PDRG1: variants seen among roughly 807,000 people sequenced by gnomAD.
PDRG1 encodes p53 and DNA damage regulated 1, also known as p53 and DNA damage-regulated protein 1.
PDRG1 carries 14 observed loss-of-function variants against 18.4 expected under a neutral mutation model. That is an observed-to-expected ratio of 0.76 (90% CI 0.50 to 1.19). PDRG1 has a LOEUF of 1.19. Ranked by LOEUF, PDRG1 falls within the 50% of genes most tolerant of loss-of-function variation. PDRG1 has a pLI of 0.00. For synonymous variants in PDRG1, 65 were observed against 60.9 expected (o/e 1.07, Z -0.31); for missense variants, 177 against 160.1 (o/e 1.11, Z -0.57).
Position 31,948,876 on chromosome 20 carries a change from A to G in PDRG1, c.170T>C (p.Val57Ala). The G allele has an allele frequency of 6.2e-7, 1 of 1,613,680 alleles. No individual in the cohort carries two copies. The highest frequency in any genetic ancestry group is 8.5e-7 in the Non-Finnish European group (1 of 1,179,848). The part of the protein sequence containing the change: ...LQKDLSLSED[V>A]MVCFGNMFIK... ...AAACATGTTCCCGAAGCAAACCATCACATCTTCTGAAAGAGCAAATAGTAA... is the reference window on the plus strand; with the variant it reads ...AAACATGTTCCCGAAGCAAACCATCGCATCTTCTGAAAGAGCAAATAGTAA... Residue 57 changes from valine (V) to alanine (A), a missense_variant, in exon 3 of 5, where the codon GTG becomes GCG. Transcript: ENST00000202017.
intron 4 of PDRG1, among the ~76,000 whole-genome samples, chr20:31,946,243 A>G (rs2064317355): frequency 6.6e-6 from 1 of 152,152 alleles, no homozygotes; most frequent in Non-Finnish European, 1.5e-5. Flanking sequence ...GCCCCGATGT[A>G]TAACGTGAGA....
rs530218582 is a variant in PDRG1 at position 31,945,791 on chromosome 20, T to A, written c.*16A>T. 1.4e-5 allele frequency: 22 copies of A among 1,607,182 alleles called. No individual in the cohort carries two copies. In the Admixed American group the frequency reaches 2.7e-4, roughly 20 times the overall value. ...ACCCTGGGGGGTTGCTGGTCCCCCA[T>A]CTTGGTTCTTGAGTCTCATCCTTTC... On this transcript the variant is annotated 3_prime_UTR_variant, in exon 5 of 5. Transcript: ENST00000202017.
At chr20:31,947,646 T>G (rs1386110313) in intron 3 of PDRG1, among the ~76,000 whole-genome samples, 1 of 152,182 alleles carries the variant, frequency 6.6e-6, no homozygotes, top group Non-Finnish European at 1.5e-5. Context: ...TCCCAGCACT[T>G]TGGTGGGAGG....
chr20:31,946,964 G>A (rs920339064), intron 3 of PDRG1, among the ~76,000 whole-genome samples: 1 of 152,236 alleles, frequency 6.6e-6, no homozygotes, highest in Non-Finnish European at 1.5e-5. Flanking sequence ...GAAAATGGAT[G>A]CCTAAGAAAT....
At chr20:31,950,235 C>A in intron 2 of PDRG1, 77 bp downstream of exon 2, 1 of 1,122,880 alleles carries the variant, frequency 8.9e-7, no homozygotes, top group Non-Finnish European at 1.3e-6. Context: ...TGCCTGATCT[C>A]TATCAGGAAC....
chr20:31,951,735 T>G, intron 1 of PDRG1, 140 bp downstream of exon 1: 1 of 836,834 alleles, frequency 1.2e-6, no homozygotes, highest in Middle Eastern at 3.7e-4. Context: ...GGCGCTCACT[T>G]AGTAGCGGCC....
intron 2 of PDRG1, 119 bp downstream of exon 2, chr20:31,950,193 C>T: frequency 1.2e-6 from 1 of 821,196 alleles, no homozygotes; most frequent in South Asian, 1.7e-5. Context: ...TTTCAATTTC[C>T]CACAAGGCTG....
In PDRG1 at chr20:31,945,635, C is replaced by T. The variant is rs1370243263; in HGVS notation, c.*172G>A. On this transcript the variant is annotated 3_prime_UTR_variant, in exon 5 of 5. Coordinates refer to ENST00000202017, the MANE Select transcript of PDRG1 (RefSeq NM_030815.3). ...CCAGCAGCCAGACAGGCTGAAGGTTCCCTCCTGCCATCACAGAGTAGCCAA... is the reference window on the plus strand; with the variant it reads ...CCAGCAGCCAGACAGGCTGAAGGTTTCCTCCTGCCATCACAGAGTAGCCAA... 8 of 523,698 alleles carry T rather than the reference C, an allele frequency of 1.5e-5. No individual in the cohort carries two copies. Among genetic ancestry groups the T allele is most frequent in the Non-Finnish European group, 2.7e-5 (8 of 297,618 alleles). 32.4% of individuals were successfully genotyped at this position (523,698 alleles called of 1,614,324 possible).
Position 31,950,296 on chromosome 20 carries a change from G to A in PDRG1, c.163+16C>T, listed in dbSNP as rs754452516. The A allele has an allele frequency of 3.2e-6, 5 of 1,587,062 alleles. No individual in the cohort carries two copies. The highest frequency in any genetic ancestry group is 4.3e-6 in the Non-Finnish European group (5 of 1,155,462). Reference sequence around the variant, plus strand: ...GAACAGGCCTCCAGGGCTGCACTGAGAAAATTTCAACTTACCAGAGAGGCT... The same window carrying A: ...GAACAGGCCTCCAGGGCTGCACTGAAAAAATTTCAACTTACCAGAGAGGCT... On this transcript the variant is annotated intron_variant, in intron 2 of 4. Transcript: ENST00000202017.
At chr20:31,946,009 T>C in intron 4 of PDRG1, 120 bp from the exon 5 acceptor site, 1 of 745,800 alleles carries the variant, frequency 1.3e-6, no homozygotes. Flanking sequence ...CTGGCAGGGA[T>C]GGGCCTCCAA....
Position 31,950,393 on chromosome 20 carries a change from A to T in PDRG1, c.88-6T>A, listed in dbSNP as rs1244151269. On this transcript the variant is annotated splice_region_variant and splice_polypyrimidine_tract_variant and intron_variant, in intron 1 of 4. Transcript: ENST00000202017. ...TTAGTGTCCAGGTCCACAATCTGAA[A>T]ACCACAGGGACAGGAGGGAACTCAG... 1 of 1,606,862 alleles carries T rather than the reference A, an allele frequency of 6.2e-7. No homozygotes were observed. The highest frequency in any genetic ancestry group is 1.7e-5 in the Admixed American group (1 of 60,018).
intron 3 of PDRG1, among the ~76,000 whole-genome samples, chr20:31,947,893 GA>G (rs534050702): frequency 6.7e-4 from 97 of 144,314 alleles, no homozygotes; most frequent in East Asian, 4.6e-3. Flanking sequence ...CTGTCTCAAG[GA>G]AAAAAAAAAA....
In PDRG1 at chr20:31,950,330, T is replaced by C; in HGVS notation, c.145A>G (p.Lys49Glu). ...AACTTACCAGAGAGGCTGAGATCCT[T>C]CTGCAGGGCCCTCAGGCCCTCTCGA... is the stretch of plus-strand genomic sequence containing the variant. ...QNREGLRALQ[K>E]DLSLSEDVMV... The change falls in exon 2 of 5, where the codon AAG becomes GAG. Residue 49 changes from lysine (K) to glutamate (E), a missense_variant. By Grantham distance (56) the Lys-to-Glu change is moderately conservative (BLOSUM62 1). Transcript: ENST00000202017. The C allele has an allele frequency of 6.2e-7, 1 of 1,611,574 alleles. No homozygotes were observed. The highest frequency in any genetic ancestry group is 8.5e-7 in the Non-Finnish European group (1 of 1,177,654).
Position 31,948,849 on chromosome 20 carries a change from A to T in PDRG1, c.197T>A (p.Ile66Asn). The stretch of plus-strand genomic sequence containing the variant: ...CTTTGTCTCAGGGTGAGGCATCTTG[A>T]TAAACATGTTCCCGAAGCAAACCAT... ...DVMVCFGNMF[I>N]KMPHPETKEM... Residue 66 changes from isoleucine to asparagine, a missense_variant, in exon 3 of 5, where the codon ATC becomes AAC. Ile to Asn is a moderately radical substitution (Grantham distance 149). Transcript: ENST00000202017. The T allele has an allele frequency of 6.2e-7, 1 of 1,614,076 alleles. No individual in the cohort carries two copies.
chr20:31,951,796 C>G, intron 1 of PDRG1, 79 bp downstream of exon 1: 1 of 1,442,594 alleles, frequency 6.9e-7, no homozygotes, highest in South Asian at 1.4e-5. Flanking sequence ...ACCGCCTGTC[C>G]AGGTCAACTC....
rs906888442 is a variant in PDRG1 at position 31,952,030 on chromosome 20, C to A, written c.-69G>T. ...TCTCCGCTTCGACTCCCGCTGCGCA[C>A]GCGCCGCTCTCTAGGTGCTTCCGGC... is the stretch of plus-strand genomic sequence containing the variant. On this transcript the variant is annotated 5_prime_UTR_variant, in exon 1 of 5. Coordinates refer to ENST00000202017, the MANE Select transcript of PDRG1 (RefSeq NM_030815.3). 30 of 1,481,930 alleles carry A rather than the reference C, an allele frequency of 2.0e-5. No homozygotes were observed. The highest frequency in any genetic ancestry group is 2.7e-5 in the Non-Finnish European group (30 of 1,117,214). 91.8% of individuals were successfully genotyped at this position (1,481,930 alleles called of 1,614,324 possible).
intron 1 of PDRG1, among the ~76,000 whole-genome samples, chr20:31,951,009 G>A (rs780562905): frequency 1.3e-5 from 2 of 152,138 alleles, no homozygotes; most frequent in Non-Finnish European, 2.9e-5. Context: ...ACAGGTTATT[G>A]AGCCAGCAAT....
In PDRG1 at chr20:31,952,019, C is replaced by G. The variant is rs1337677386; in HGVS notation, c.-58G>C. 2 of 1,485,164 alleles carry G rather than the reference C, an allele frequency of 1.3e-6. No individual in the cohort carries two copies. The highest frequency in any genetic ancestry group is 1.5e-5 in the African/African-American group (1 of 68,704). 92.0% of individuals were successfully genotyped at this position (1,485,164 alleles called of 1,614,324 possible). A position where few individuals can be genotyped will look rare whatever the true frequency, so the allele number is the denominator to read the frequency against. ...CGACCCCGGGATCTCCGCTTCGACTCCCGCTGCGCACGCGCCGCTCTCTAG... is the reference window on the plus strand; with the variant it reads ...CGACCCCGGGATCTCCGCTTCGACTGCCGCTGCGCACGCGCCGCTCTCTAG... On this transcript the variant is annotated 5_prime_UTR_variant, in exon 1 of 5. Transcript: ENST00000202017.
intron 1 of PDRG1, among the ~76,000 whole-genome samples, chr20:31,950,722 A>G (rs573668095): frequency 2.0e-5 from 3 of 152,350 alleles, no homozygotes; most frequent in Admixed American, 2.0e-4. Flanking sequence ...AAGCAGGCCT[A>G]ATGTTTATTT....
Sources: gnomAD v4.1 joint callset for allele counts (sites outside exome capture counted in the v4.1 genomes callset) on GRCh38, gnomAD v4.1.1 for gene constraint, MANE v1.5 for transcripts, NCBI Gene and HGNC (gene_info 2026-07-23, HGNC 2026-07-21) for gene names.